The following ELP4 variants were observed in gnomAD, a reference collection of about 807,000 sequenced individuals.
ELP4 encodes the protein elongator complex protein 4.
In ELP4, 51 loss-of-function variants were observed where a neutral mutation model predicts 48.9. That is an observed-to-expected ratio of 1.04 (90% CI 0.83 to 1.32). The LOEUF (loss-of-function observed/expected upper bound fraction) is 1.32. Ranked by LOEUF, ELP4 falls within the 40% of genes most tolerant of loss-of-function variation. ELP4 has a pLI of 0.00. For synonymous variants in ELP4, 210 were observed against 189.2 expected (o/e 1.11, Z -0.90); for missense variants, 519 against 514.6 (o/e 1.01, Z -0.08).
intron 9 of ELP4, among the ~76,000 whole-genome samples, chr11:31,711,210 A>G (rs1198318561): frequency 6.6e-6 from 1 of 152,230 alleles, no homozygotes; most frequent in Non-Finnish European, 1.5e-5. Context: ...GTTCCATAAA[A>G]CCTAGAGGTA....
chr11:31,713,945 G>A (rs887206254), intron 9 of ELP4, among the ~76,000 whole-genome samples: 7 of 152,120 alleles, frequency 4.6e-5, no homozygotes, highest in Admixed American at 1.3e-4. Context: ...AATGTAGTTA[G>A]AGAATAGGAA....
At position 31,767,850 on chromosome 11, in the gene ELP4, T is replaced by C. The variant is rs1229121028; in HGVS notation, c.1144-15543T>C. 4 of 152,186 alleles carry C rather than the reference T, an allele frequency of 2.6e-5. No individual in the cohort carries two copies. In the East Asian group the frequency reaches 7.7e-4, roughly 29 times the overall value. The allele number at this position is 152,186 out of a possible 1,614,324, so 9.4% of individuals were successfully genotyped here. On this transcript the variant is annotated intron_variant, in intron 9 of 9. Transcript: ENST00000640961. ...TGTATCCCTCAGCTGAAGCACTTGG[T>C]CTTTGGCTGCCCTATCACCACCCTA...
In ELP4 at chr11:31,517,925, G is replaced by C. The variant is rs534400536; in HGVS notation, c.224-2131G>C. ...GAGCCACCGCACCCGGCCCAACTTT[G>C]AGTATTTTAAAAATTATACTTTAAA... On this transcript the variant is annotated intron_variant, in intron 1 of 9. Coordinates refer to ENST00000640961, the MANE Select transcript of ELP4 (RefSeq NM_019040.5). Among the ~76,000 whole-genome samples the C allele has an allele frequency of 5.3e-5, 8 of 151,724 alleles. No homozygotes were observed. The South Asian group carries it at 1.0e-3, about 20-fold the overall frequency.
At chr11:31,532,979 G>A (rs190530936) in intron 2 of ELP4, among the ~76,000 whole-genome samples, 15 of 151,912 alleles carry the variant, frequency 9.9e-5, no homozygotes, top group Non-Finnish European at 1.8e-4. Context: ...CATCATGTTG[G>A]TGGTCAGGAT....
chr11:31,706,567 T>C (rs1456624867), intron 9 of ELP4, among the ~76,000 whole-genome samples: 1 of 147,970 alleles, frequency 6.8e-6, no homozygotes, highest in Non-Finnish European at 1.5e-5. Context: ...ATTAAATTAA[T>C]ATAATTAATA....
intron 5 of ELP4, among the ~76,000 whole-genome samples, chr11:31,618,922 A>G (rs1379109461): frequency 6.6e-6 from 1 of 152,104 alleles, no homozygotes; most frequent in African/African-American, 2.4e-5. Context: ...AAACAGACCA[A>G]TTGAATTTAG....
chr11:31,647,364 T>C (rs1441806029), intron 7 of ELP4: 1 of 184,800 alleles, frequency 5.4e-6, no homozygotes, highest in African/African-American at 2.4e-5. Context: ...GTCTGACAGG[T>C]TTTCCAATGG....
intron 9 of ELP4, among the ~76,000 whole-genome samples, chr11:31,769,495 C>CT: frequency 6.6e-6 from 1 of 152,182 alleles, no homozygotes; most frequent in Middle Eastern, 3.2e-3. Flanking sequence ...GGTGAATTGT[C>CT]TGATTTCAAA....
At chr11:31,673,960 A>G (rs945999488) in intron 9 of ELP4, among the ~76,000 whole-genome samples, 4 of 152,240 alleles carry the variant, frequency 2.6e-5, no homozygotes, top group African/African-American at 9.6e-5. Context: ...TTCATTCAAA[A>G]TATTGCCCAT....
chr11:31,546,848 A>G (rs1004608942), intron 3 of ELP4, among the ~76,000 whole-genome samples: 2 of 152,208 alleles, frequency 1.3e-5, no homozygotes, highest in Non-Finnish European at 2.9e-5. Context: ...AAACCGCTCA[A>G]CTGTATGGAA....
chr11:31,754,851 G>T (rs184092359), intron 9 of ELP4, among the ~76,000 whole-genome samples: 26 of 152,246 alleles, frequency 1.7e-4, no homozygotes, highest in African/African-American at 5.1e-4. Flanking sequence ...CAGCCTGGGT[G>T]ACAGAGCAAG....
At chr11:31,681,741 CTT>C (rs367852606) in intron 9 of ELP4, 166 of 141,886 alleles carry the variant, frequency 1.2e-3, no homozygotes, top group South Asian at 4.8e-3. Flanking sequence ...TATTTCTTTC[CTT>C]TTTTTTTTTT....
chr11:31,692,467 A>G (rs1027391385), intron 9 of ELP4, among the ~76,000 whole-genome samples: 2 of 152,202 alleles, frequency 1.3e-5, no homozygotes, highest in African/African-American at 4.8e-5. Context: ...TATTTAAAGA[A>G]CAGTTTCTGA....
chr11:31,668,503 T>C (rs543772966), intron 9 of ELP4, among the ~76,000 whole-genome samples: 34 of 151,440 alleles, frequency 2.2e-4, no homozygotes, highest in African/African-American at 4.4e-4. Flanking sequence ...TTTTTTTTTT[T>C]CCCCAAGAGA....
intron 9 of ELP4, 70 bp from the exon 10 acceptor site, chr11:31,783,323 C>G: frequency 2.1e-6 from 3 of 1,443,088 alleles, no homozygotes; most frequent in Non-Finnish European, 2.9e-6. Context: ...CTGAAGTATG[C>G]TAGCCAAAGC....
rs931792702 is a variant in ELP4, at chr11:31,705,952, A to G, written c.1143+55731A>G. 5.3e-5 allele frequency among the ~76,000 whole-genome samples: 8 copies of G among 152,272 alleles called. 2 individuals are homozygous for G. Among genetic ancestry groups the G allele is most frequent in the Admixed American group, 5.2e-4 (8 of 15,286 alleles). ...ACTGTAACCTCAAACTCCTAGGCTCAAGTGATCCTCCTGCCTCAGCCTCCT... is the reference window on the plus strand; with the variant it reads ...ACTGTAACCTCAAACTCCTAGGCTCGAGTGATCCTCCTGCCTCAGCCTCCT... On this transcript the variant is annotated intron_variant, in intron 9 of 9. Coordinates refer to ENST00000640961, the MANE Select transcript of ELP4 (RefSeq NM_019040.5).
At chr11:31,642,727 A>T (rs867855882) in intron 7 of ELP4, among the ~76,000 whole-genome samples, 7 of 151,858 alleles carry the variant, frequency 4.6e-5, no homozygotes, top group East Asian at 1.9e-4. Context: ...TTTATTACAA[A>T]TATTCTAAAT....
intron 9 of ELP4, among the ~76,000 whole-genome samples, chr11:31,734,904 A>C (rs1268728827): frequency 1.3e-5 from 2 of 152,214 alleles, no homozygotes; most frequent in Non-Finnish European, 2.9e-5. Context: ...TAGCCAATAC[A>C]ATCATGAGAA....
chr11:31,610,437 GT>G (rs1565078192), intron 5 of ELP4, among the ~76,000 whole-genome samples: 1 of 152,102 alleles, frequency 6.6e-6, no homozygotes, highest in Non-Finnish European at 1.5e-5. Context: ...TCATGCTGAG[GT>G]TTGGGTTTCT....
Sources: allele counts gnomAD v4.1 joint callset (sites outside exome capture counted in the v4.1 genomes callset), GRCh38; gene constraint gnomAD v4.1.1; transcripts MANE v1.5; gene names NCBI Gene and HGNC (gene_info 2026-07-23, HGNC 2026-07-21).